Variants in KCTD8 observed in about 807,000 individuals in gnomAD.
KCTD8 encodes potassium channel tetramerization domain containing 8.
Under a neutral mutation model 31.5 loss-of-function variants are expected in KCTD8, and 27 were observed. The observed-to-expected ratio is 0.86, with a 90% confidence interval of 0.63 to 1.18. The LOEUF (loss-of-function observed/expected upper bound fraction) is 1.18, where lower values mean the gene tolerates loss of function less well. Ranked by LOEUF, KCTD8 falls within the 50% of genes most tolerant of loss-of-function variation. The probability of loss-of-function intolerance (pLI) is 0.00; values close to 1 mark genes in which losing one functional copy is unlikely to be tolerated. For missense variants in KCTD8, 658 were observed against 647.7 expected, an observed-to-expected ratio of 1.02 and a Z score of -0.17; for synonymous variants, 290 against 280.0, an observed-to-expected ratio of 1.04 and a Z score of -0.36.
chr4:44,198,437 T>G (rs1714013998), intron 1 of KCTD8, among the ~76,000 whole-genome samples: 1 of 152,076 alleles, frequency 6.6e-6, no homozygotes, highest in Non-Finnish European at 1.5e-5. Context: ...AAAGGGAAAC[T>G]CATGAGGCTA....
chr4:44,243,731 A>G (rs1715570338), intron 1 of KCTD8, among the ~76,000 whole-genome samples: 2 of 152,378 alleles, frequency 1.3e-5, no homozygotes, highest in South Asian at 4.1e-4. Context: ...AAATCTGTCT[A>G]GTTCCAAAGC....
chr4:44,306,226 T>C (rs1717800104), intron 1 of KCTD8, among the ~76,000 whole-genome samples: 1 of 151,936 alleles, frequency 6.6e-6, no homozygotes, highest in Admixed American at 6.6e-5. Flanking sequence ...AATTCGTCAG[T>C]TAAAAAGAGA....
intron 1 of KCTD8, among the ~76,000 whole-genome samples, chr4:44,409,113 C>G (rs558324411): frequency 6.6e-6 from 1 of 151,330 alleles, no homozygotes; most frequent in Non-Finnish European, 1.5e-5. Context: ...AGTGGTAGGG[C>G]GTGCCTGTAA....
chr4:44,391,953 T>C (rs894821965), intron 1 of KCTD8, among the ~76,000 whole-genome samples: 1 of 151,914 alleles, frequency 6.6e-6, no homozygotes, highest in Non-Finnish European at 1.5e-5. Flanking sequence ...AAGCCAAACA[T>C]TAGATTTGGT....
intron 1 of KCTD8, among the ~76,000 whole-genome samples, chr4:44,233,805 T>C (rs1160016637): frequency 2.0e-5 from 3 of 152,042 alleles, no homozygotes; most frequent in Middle Eastern, 6.3e-3. Flanking sequence ...TTCCTAAGAA[T>C]TTTTTTTAAA....
chr4:44,373,289 A>G (rs370429310), intron 1 of KCTD8, among the ~76,000 whole-genome samples: 120 of 151,980 alleles, frequency 7.9e-4, no homozygotes, highest in African/African-American at 2.6e-3. Context: ...TGAACCTGGG[A>G]GGCAGAGGTT....
At chr4:44,415,830 C>T (rs1721067170) in intron 1 of KCTD8, among the ~76,000 whole-genome samples, 2 of 152,202 alleles carry the variant, frequency 1.3e-5, no homozygotes, top group Non-Finnish European at 2.9e-5. Flanking sequence ...GGGTGAAGCA[C>T]CCACAAAAGA....
chr4:44,306,581 T>C (rs1215299123), intron 1 of KCTD8, among the ~76,000 whole-genome samples: 1 of 152,024 alleles, frequency 6.6e-6, no homozygotes, highest in Non-Finnish European at 1.5e-5. Flanking sequence ...TTTTCACAAA[T>C]TGAAATTTGG....
chr4:44,413,418 C>A (rs987836988), intron 1 of KCTD8, among the ~76,000 whole-genome samples: 1 of 152,150 alleles, frequency 6.6e-6, no homozygotes, highest in Non-Finnish European at 1.5e-5. Flanking sequence ...AGACGGAAAT[C>A]TCTAAAATAT....
intron 1 of KCTD8, among the ~76,000 whole-genome samples, chr4:44,385,972 TA>T (rs1319378200): frequency 6.6e-6 from 1 of 151,310 alleles, no homozygotes; most frequent in East Asian, 2.0e-4. Context: ...CAGTAATCAC[TA>T]AAAAAATGCA....
chr4:44,339,553 G>T (rs542773436), intron 1 of KCTD8, among the ~76,000 whole-genome samples: 2 of 152,148 alleles, frequency 1.3e-5, no homozygotes, highest in South Asian at 2.1e-4. Flanking sequence ...CAAACAAAAT[G>T]ACACCATGAA....
chr4:44,400,591 T>C (rs1430142092), intron 1 of KCTD8, among the ~76,000 whole-genome samples: 1 of 151,748 alleles, frequency 6.6e-6, no homozygotes, highest in Non-Finnish European at 1.5e-5. Context: ...TAGCCAGGTG[T>C]GGTGGTGCAC....
intron 1 of KCTD8, among the ~76,000 whole-genome samples, chr4:44,262,030 C>A (rs11940330): frequency 2.0e-5 from 3 of 151,972 alleles, no homozygotes; most frequent in African/African-American, 7.2e-5. Flanking sequence ...ATAATGGAGA[C>A]TGAGCTGAAG....
At chr4:44,441,397 A>T (rs1721806244) in intron 1 of KCTD8, among the ~76,000 whole-genome samples, 1 of 152,192 alleles carries the variant, frequency 6.6e-6, no homozygotes, top group Non-Finnish European at 1.5e-5. Flanking sequence ...TTAATCCATA[A>T]AATAACCCTT....
intron 1 of KCTD8, among the ~76,000 whole-genome samples, chr4:44,396,800 A>G (rs1720516531): frequency 6.6e-6 from 1 of 152,128 alleles, no homozygotes; most frequent in African/African-American, 2.4e-5. Flanking sequence ...CATGCAGTGG[A>G]AATATAAATT....
chr4:44,268,088 C>G (rs1232869787), intron 1 of KCTD8, among the ~76,000 whole-genome samples: 3 of 151,836 alleles, frequency 2.0e-5, no homozygotes, highest in African/African-American at 7.3e-5. Flanking sequence ...GAGACACAAC[C>G]AAAAAAGAGA....
At chr4:44,184,623 CTG>C (rs1713526357) in intron 1 of KCTD8, among the ~76,000 whole-genome samples, 2 of 152,134 alleles carry the variant, frequency 1.3e-5, no homozygotes, top group Non-Finnish European at 2.9e-5. Context: ...AAAGCAGAAA[CTG>C]TGCTTTTCTA....
intron 1 of KCTD8, among the ~76,000 whole-genome samples, chr4:44,311,029 A>C (rs1019196240): frequency 6.7e-6 from 1 of 150,362 alleles, no homozygotes; most frequent in Non-Finnish European, 1.5e-5. Context: ...TTTAGTTCTG[A>C]ATTTCATCTT....
In KCTD8 at chr4:44,447,598, T is replaced by A; in HGVS notation, c.926A>T (p.Lys309Met). The A allele has an allele frequency of 6.3e-7, 1 of 1,599,744 alleles. No homozygotes were observed. The highest frequency in any genetic ancestry group is 1.3e-5 in the African/African-American group (1 of 74,688). The change falls in exon 1 of 2, where the codon AAG (lysine) becomes ATG (methionine). Residue 309 changes from lysine to methionine, a missense_variant. Physicochemically the swap from Lys to Met is moderately conservative, Grantham distance 95. Transcript: ENST00000360029. Reference protein sequence around the residue: ...AAFVNQYRDDKIWSSYTEYIF... With the variant: ...AAFVNQYRDDMIWSSYTEYIF... The stretch of plus-strand genomic sequence containing the variant: ...GTACTCGGTGTAGCTGCTCCAGATC[T>A]TGTCGTCGCGGTACTGGTTGACGAA...
Sources: allele counts gnomAD v4.1 joint callset (sites outside exome capture counted in the v4.1 genomes callset), GRCh38; gene constraint gnomAD v4.1.1; transcripts MANE v1.5; gene names NCBI Gene and HGNC (gene_info 2026-07-23, HGNC 2026-07-21).